BRAF: variants seen among roughly 807,000 people sequenced by gnomAD.
BRAF encodes the protein serine/threonine-protein kinase B-raf.
BRAF carries 16 observed loss-of-function variants against 104.6 expected under a neutral mutation model. The ratio of observed to expected loss-of-function variants is 0.15; its 90% CI spans 0.10 to 0.23. The LOEUF (loss-of-function observed/expected upper bound fraction) is 0.23, where lower values mean the gene tolerates loss of function less well. Ranked by LOEUF, BRAF falls within the 10% of genes least tolerant of loss-of-function variation. The pLI, the probability that BRAF is intolerant of heterozygous loss-of-function variation, is 1.00. For missense variants in BRAF, 541 were observed against 937.3 expected, an observed-to-expected ratio of 0.58 and a Z score of 5.52; for synonymous variants, 310 against 341.6, an observed-to-expected ratio of 0.91 and a Z score of 1.02.
chr7:140,891,033 T>C (rs904892548), intron 1 of BRAF, among the ~76,000 whole-genome samples: 2 of 152,238 alleles, frequency 1.3e-5, no homozygotes, highest in African/African-American at 4.8e-5. Context: ...AAAATGTCTT[T>C]GCCCTCAAAG....
Position 140,722,654 on chromosome 7 carries a change from A to T in BRAF, c.*3840T>A. The stretch of plus-strand genomic sequence containing the variant: ...GGACAAAGAAGAGAATCTTGCAAAA[A>T]GAGTAATCATTCTACCCTCTTAGCT... On this transcript the variant is annotated 3_prime_UTR_variant, in exon 20 of 20. Transcript: ENST00000644969. 1 of 1,053,296 alleles carries T rather than the reference A, an allele frequency of 9.5e-7. No individual in the cohort carries two copies. The highest frequency in any genetic ancestry group is 1.1e-6 in the Non-Finnish European group (1 of 871,714). 65.2% of individuals were successfully genotyped at this position (1,053,296 alleles called of 1,614,324 possible). A position where few individuals can be genotyped will look rare whatever the true frequency, so the allele number is the denominator to read the frequency against.
intron 1 of BRAF, among the ~76,000 whole-genome samples, chr7:140,853,745 G>C (rs1471255962): frequency 6.6e-6 from 1 of 152,282 alleles, no homozygotes; most frequent in East Asian, 1.9e-4. Context: ...TAAAGGCACA[G>C]AATCAGCTTC....
chr7:140,854,990 G>C (rs1039132869), intron 1 of BRAF, among the ~76,000 whole-genome samples: 1 of 152,038 alleles, frequency 6.6e-6, no homozygotes, highest in African/African-American at 2.4e-5. Flanking sequence ...AGGTATAGTG[G>C]GGCCAGACCA....
Position 140,821,066 on chromosome 7 carries a change from T to C in BRAF, c.505-12071A>G, listed in dbSNP as rs536502303. On this transcript the variant is annotated intron_variant, in intron 3 of 19. Transcript: ENST00000644969. ...CTCAGGCTGGAGTGCAGCAGCACAA[T>C]CATACCTTACTGAAGCCTCAAAATC... Among the ~76,000 whole-genome samples, 496 of 152,262 alleles carry C rather than the reference T, an allele frequency of 3.3e-3. 3 individuals carry two copies. Among genetic ancestry groups the C allele is most frequent in the African/African-American group, 0.011 (474 of 41,554 alleles).
intron 18 of BRAF, among the ~76,000 whole-genome samples, chr7:140,736,263 A>G (rs1796420302): frequency 1.3e-5 from 2 of 148,676 alleles, no homozygotes; most frequent in African/African-American, 2.5e-5. Flanking sequence ...AGAGACGGGT[A>G]TCACCATTTT....
intron 3 of BRAF, chr7:140,834,216 A>G: frequency 3.5e-6 from 1 of 281,756 alleles, no homozygotes; most frequent in Non-Finnish European, 6.7e-6. Context: ...AAACATATCA[A>G]TCACACTGAA....
chr7:140,896,882 A>AAAG (rs1381138288), intron 1 of BRAF, among the ~76,000 whole-genome samples: 73 of 135,434 alleles, frequency 5.4e-4, no homozygotes, highest in African/African-American at 1.9e-3. Context: ...AAAAAAAAAA[A>AAAG]GGGGTGGGGG....
chr7:140,921,526 AT>A (rs1354851555), intron 1 of BRAF, among the ~76,000 whole-genome samples: 4 of 152,114 alleles, frequency 2.6e-5, no homozygotes, highest in South Asian at 2.1e-4. Context: ...CCCCAAAAAA[AT>A]GATTAGTTAA....
intron 1 of BRAF, among the ~76,000 whole-genome samples, chr7:140,862,526 C>T (rs528834481): frequency 8.5e-5 from 13 of 152,212 alleles, no homozygotes; most frequent in East Asian, 7.7e-4. Flanking sequence ...GAGGCTAAGG[C>T]GGATGAATTA....
chr7:140,793,575 G>GA (rs1175527446), intron 8 of BRAF, among the ~76,000 whole-genome samples: 11 of 152,130 alleles, frequency 7.2e-5, no homozygotes, highest in East Asian at 3.9e-4. Flanking sequence ...AATAAACACA[G>GA]AAAAAATCAA....
At chr7:140,899,202 C>A in intron 1 of BRAF, among the ~76,000 whole-genome samples, 1 of 126,242 alleles carries the variant, frequency 7.9e-6, no homozygotes. Context: ...ACCAACATCC[C>A]ACCCCCCCAC....
In BRAF at chr7:140,721,703, A is replaced by G. The variant is rs1312366975; in HGVS notation, c.*4791T>C. The G allele has an allele frequency of 1.3e-6, 2 of 1,532,372 alleles. No homozygotes were observed. The highest frequency in any genetic ancestry group is 1.7e-6 in the Non-Finnish European group (2 of 1,145,320). 94.9% of individuals were successfully genotyped at this position (1,532,372 alleles called of 1,614,324 possible). ...TCCATCCCAGTATAACATTTCAAGG[A>G]TGTGCTGGAGACAATACATGGACTT... On this transcript the variant is annotated 3_prime_UTR_variant, in exon 20 of 20. Coordinates refer to ENST00000644969, the MANE Select transcript of BRAF (RefSeq NM_001374258.1).
At chr7:140,916,387 G>A (rs945500725) in intron 1 of BRAF, among the ~76,000 whole-genome samples, 1 of 152,166 alleles carries the variant, frequency 6.6e-6, no homozygotes, top group Non-Finnish European at 1.5e-5. Context: ...ATGCCCCTAA[G>A]ATTCATAAAG....
At chr7:140,915,121 C>A (rs73165482) in intron 1 of BRAF, among the ~76,000 whole-genome samples, 11,846 of 150,274 alleles carry the variant, frequency 0.079, 639 homozygotes, top group Non-Finnish European at 0.11. Context: ...ACCAATAATC[C>A]CCTTTAATAT....
rs1166956200 is a variant in BRAF, at chr7:140,896,887, T to TG, written c.138+27678dup. Among the ~76,000 whole-genome samples the TG allele has an allele frequency of 2.5e-4, 25 of 101,606 alleles. No individual in the cohort carries two copies. In the South Asian group the frequency reaches 2.6e-3, roughly 11 times the overall value. 66.7% of individuals were successfully genotyped at this position (101,606 alleles called of 152,430 possible). Reference sequence around the variant, plus strand: ...TCAAAAAAAAAAAAAAAAAAAGGGGTGGGGGGGGAAGAGACCTATAAACAA... The same window carrying TG: ...TCAAAAAAAAAAAAAAAAAAAGGGGTGGGGGGGGGAAGAGACCTATAAACAA... On this transcript the variant is annotated intron_variant, in intron 1 of 19. Transcript: ENST00000644969.
At chr7:140,804,931 T>C (rs1387565889) in intron 5 of BRAF, among the ~76,000 whole-genome samples, 1 of 152,036 alleles carries the variant, frequency 6.6e-6, no homozygotes, top group Non-Finnish European at 1.5e-5. Context: ...TCAGGCTGAA[T>C]AGCCAAGGCT....
At position 140,924,287 on chromosome 7, in the gene BRAF, G is replaced by A. The variant is rs959979861; in HGVS notation, c.138+279C>T. On this transcript the variant is annotated intron_variant, in intron 1 of 19. Coordinates refer to ENST00000644969, the MANE Select transcript of BRAF (RefSeq NM_001374258.1). The surrounding 1 kb of genome is among the most constrained non-coding windows in gnomAD (Gnocchi z 4.2). ...CCTTCTCGGACCAACCCTGAGTTTC[G>A]CCCCCTATTGATAGCCTCCCGCTCA... 2.0e-5 allele frequency among the ~76,000 whole-genome samples: 3 copies of A among 151,856 alleles called. No individual in the cohort carries two copies. The highest frequency in any genetic ancestry group is 4.4e-5 in the Non-Finnish European group (3 of 67,964).
the BRAF span, among the ~76,000 whole-genome samples, chr7:140,713,545 C>T: frequency 6.6e-6 from 1 of 152,228 alleles, no homozygotes; most frequent in African/African-American, 2.4e-5. Context: ...ACTTCTTTGC[C>T]ATTGATTTGA....
At chr7:140,760,364 G>C (rs573490608) in intron 14 of BRAF, among the ~76,000 whole-genome samples, 2 of 149,692 alleles carry the variant, frequency 1.3e-5, no homozygotes, top group South Asian at 4.2e-4. Context: ...AGTGAGCTGA[G>C]ATCATGCCAT....
Sources: gnomAD v4.1 joint callset for allele counts (sites outside exome capture counted in the v4.1 genomes callset) on GRCh38, gnomAD v4.1.1 for gene constraint, Gnocchi (gnomAD v3.1) non-coding constraint, MANE v1.5 for transcripts, NCBI Gene and HGNC (gene_info 2026-07-23, HGNC 2026-07-21) for gene names.